PPARGC1A: variants seen among roughly 807,000 people sequenced by gnomAD.
PPARGC1A encodes PPARG coactivator 1 alpha.
Under a neutral mutation model 88.7 loss-of-function variants are expected in PPARGC1A, and 25 were observed. The ratio of observed to expected loss-of-function variants is 0.28; its 90% confidence interval spans 0.21 to 0.39. The LOEUF (loss-of-function observed/expected upper bound fraction) is 0.39. PPARGC1A is among the 10% of genes least tolerant of loss of function. The pLI is 1.00. For missense variants in PPARGC1A, 880 were observed against 968.7 expected, an observed-to-expected ratio of 0.91 and a Z score of 1.22; for synonymous variants, 363 against 355.6, an observed-to-expected ratio of 1.02 and a Z score of -0.24.
the PPARGC1A span, among the ~76,000 whole-genome samples, chr4:24,074,933 T>A: frequency 1.3e-5 from 2 of 152,146 alleles, no homozygotes; most frequent in African/African-American, 4.8e-5. Context: ...CAAAGGCAGA[T>A]CCTCTTTGTG....
chr4:24,436,042 C>T, the PPARGC1A span, among the ~76,000 whole-genome samples: 2 of 152,188 alleles, frequency 1.3e-5, no homozygotes, highest in Non-Finnish European at 2.9e-5. Flanking sequence ...ACACATGAGC[C>T]ACTGTCACTC....
intron 2 of PPARGC1A, among the ~76,000 whole-genome samples, chr4:23,858,251 C>T (rs1156997225): frequency 2.6e-5 from 4 of 152,084 alleles, no homozygotes; most frequent in Non-Finnish European, 1.5e-5. Flanking sequence ...ATTTTAACAA[C>T]AACCAACTAG....
the PPARGC1A span, among the ~76,000 whole-genome samples, chr4:24,282,117 C>T: frequency 6.6e-6 from 1 of 152,272 alleles, no homozygotes; most frequent in Admixed American, 6.5e-5. Flanking sequence ...CCCAATGGAG[C>T]AAATAAGATG....
chr4:24,014,748 C>A, the PPARGC1A span, among the ~76,000 whole-genome samples: 1 of 152,086 alleles, frequency 6.6e-6, no homozygotes, highest in Non-Finnish European at 1.5e-5. Flanking sequence ...AAGACCCACC[C>A]CCTCTTTTTA....
chr4:24,168,864 CA>C, the PPARGC1A span, among the ~76,000 whole-genome samples: 22 of 152,190 alleles, frequency 1.4e-4, no homozygotes, highest in Non-Finnish European at 2.9e-4. Context: ...GCCCATTCAG[CA>C]AAATTCCAAA....
chr4:24,305,293 A>G, the PPARGC1A span, among the ~76,000 whole-genome samples: 1 of 151,404 alleles, frequency 6.6e-6, no homozygotes, highest in Non-Finnish European at 1.5e-5. Flanking sequence ...ATGGCAGAAA[A>G]ACAAACAAAC....
chr4:24,251,205 A>G, the PPARGC1A span, among the ~76,000 whole-genome samples: 1 of 152,198 alleles, frequency 6.6e-6, no homozygotes, highest in Non-Finnish European at 1.5e-5. Flanking sequence ...CAGATGCTGA[A>G]TGTGTTCAAA....
At chr4:24,376,926 G>A in the PPARGC1A span, among the ~76,000 whole-genome samples, 2 of 152,136 alleles carry the variant, frequency 1.3e-5, no homozygotes, top group East Asian at 3.9e-4. Flanking sequence ...TGCAAGTAAT[G>A]TTTGATGGAT....
At chr4:23,863,220 A>G (rs1198472833) in intron 2 of PPARGC1A, among the ~76,000 whole-genome samples, 1 of 152,040 alleles carries the variant, frequency 6.6e-6, no homozygotes, top group Non-Finnish European at 1.5e-5. Context: ...CTATGACCTC[A>G]AGCCTGAAAA....
the PPARGC1A span, among the ~76,000 whole-genome samples, chr4:24,074,631 A>G: frequency 6.6e-6 from 1 of 152,082 alleles, no homozygotes; most frequent in East Asian, 1.9e-4. Context: ...CAGTCTTTCT[A>G]CAGCAAAATC....
intron 1 of PPARGC1A, among the ~76,000 whole-genome samples, chr4:23,896,519 T>C (rs1210756063): frequency 5.9e-5 from 9 of 152,140 alleles, no homozygotes; most frequent in Admixed American, 5.9e-4. Context: ...TGAGGGAAGT[T>C]AGTACCTGGT....
At chr4:24,327,863 G>C in the PPARGC1A span, among the ~76,000 whole-genome samples, 1 of 152,132 alleles carries the variant, frequency 6.6e-6, no homozygotes, top group South Asian at 2.1e-4. Flanking sequence ...CGCATCCCCT[G>C]TGACTTGCAC....
chr4:24,268,940 C>T, the PPARGC1A span, among the ~76,000 whole-genome samples: 1 of 152,158 alleles, frequency 6.6e-6, no homozygotes, highest in Non-Finnish European at 1.5e-5. Context: ...TACACATAGT[C>T]AGCCCCTTCC....
chr4:24,123,665 A>G, the PPARGC1A span, among the ~76,000 whole-genome samples: 227 of 152,288 alleles, frequency 1.5e-3, no homozygotes, highest in East Asian at 0.019. Flanking sequence ...TCAGTGGTTC[A>G]AAGTCAAGGT....
the PPARGC1A span, among the ~76,000 whole-genome samples, chr4:24,221,881 A>ACT: frequency 6.6e-6 from 1 of 152,218 alleles, no homozygotes; most frequent in Non-Finnish European, 1.5e-5. Context: ...ACCGTTCTTC[A>ACT]CTCAAAGTTC....
At chr4:24,356,449 C>A in the PPARGC1A span, among the ~76,000 whole-genome samples, 1 of 152,204 alleles carries the variant, frequency 6.6e-6, no homozygotes, top group Non-Finnish European at 1.5e-5. Context: ...CCACTATATA[C>A]ACCTGTAAGT....
the PPARGC1A span, among the ~76,000 whole-genome samples, chr4:24,338,121 T>G: frequency 6.6e-6 from 1 of 152,190 alleles, no homozygotes; most frequent in South Asian, 2.1e-4. Context: ...AGATCCATGA[T>G]GATTCTCGGG....
At chr4:24,387,902 AAG>A in the PPARGC1A span, among the ~76,000 whole-genome samples, 2,875 of 40,340 alleles carry the variant, frequency 0.071, 183 homozygotes, top group Admixed American at 0.13. Context: ...AAGAAAAAGA[AAG>A]AGAAAGAAAG....
intron 4 of PPARGC1A, among the ~76,000 whole-genome samples, 183 bp from the exon 5 acceptor site, chr4:23,828,787 A>G (rs1409263038): frequency 6.6e-6 from 1 of 152,156 alleles, no homozygotes; most frequent in African/African-American, 2.4e-5. Flanking sequence ...TTCCTAAATG[A>G]CATTTATGCA....
Sources: allele counts gnomAD v4.1 joint callset (sites outside exome capture counted in the v4.1 genomes callset), GRCh38; gene constraint gnomAD v4.1.1; transcripts MANE v1.5; gene names NCBI Gene and HGNC (gene_info 2026-07-23, HGNC 2026-07-21).